TRIM2: variants seen among roughly 807,000 people sequenced by gnomAD.
TRIM2 encodes tripartite motif-containing protein 2.
Under a neutral mutation model 75.2 loss-of-function variants are expected in TRIM2, and 20 were observed. The ratio of observed to expected loss-of-function variants is 0.27; its 90% CI spans 0.19 to 0.39. The LOEUF (loss-of-function observed/expected upper bound fraction) is 0.39. Among genes scored for constraint, TRIM2 ranks in the 10% least tolerant of loss-of-function variants. The pLI is 1.00. For synonymous variants in TRIM2, 373 were observed against 388.3 expected (o/e 0.96, Z 0.46); for missense variants, 660 against 990.8 (o/e 0.67, Z 4.48).
At chr4:153,267,640 G>C (rs973093812) in intron 1 of TRIM2, among the ~76,000 whole-genome samples, 1 of 152,164 alleles carries the variant, frequency 6.6e-6, no homozygotes, top group African/African-American at 2.4e-5. Context: ...GACAAAGCGA[G>C]ACTCCATCTC....
In TRIM2 at chr4:153,296,919, T is replaced by C. The variant is rs146480383; in HGVS notation, c.1510+883T>C. 2.0e-3 allele frequency among the ~76,000 whole-genome samples: 308 copies of C among 152,322 alleles called. 1 individual carries two copies. The highest frequency in any genetic ancestry group is 7.1e-3 in the African/African-American group (296 of 41,580). On this transcript the variant is annotated intron_variant, in intron 6 of 11. Transcript: ENST00000338700. Reference sequence around the variant, plus strand: ...GCTGCACTGTATATTAGCTGGCACATGTAGAAAAACAATTCTATGGTTCAG... The same window carrying C: ...GCTGCACTGTATATTAGCTGGCACACGTAGAAAAACAATTCTATGGTTCAG...
Position 153,311,894 on chromosome 4 carries a change from TTTTATTTA to T in TRIM2, c.1511-3568_1511-3561del, listed in dbSNP as rs112254741. 1.8e-4 allele frequency among the ~76,000 whole-genome samples: 26 copies of T among 144,332 alleles called. 1 individual carries two copies. The highest frequency in any genetic ancestry group is 5.9e-4 in the East Asian group (3 of 5,052). The allele number at this position is 144,332 out of a possible 152,430, so 94.7% of individuals were successfully genotyped here. A position where few individuals can be genotyped will look rare whatever the true frequency, so the allele number is the denominator to read the frequency against. ...TTTTTGATAAATGAAGTTTTTATTC[TTTTATTTA>T]TTTATTTATTTATTTATTTATTATT... On this transcript the variant is annotated intron_variant, in intron 6 of 11. Coordinates refer to ENST00000338700, the MANE Select transcript of TRIM2 (RefSeq NM_015271.5).
intron 6 of TRIM2, among the ~76,000 whole-genome samples, chr4:153,312,556 A>C (rs1253605698): frequency 6.6e-6 from 1 of 152,104 alleles, no homozygotes; most frequent in African/African-American, 2.4e-5. Flanking sequence ...GTCAGGAAAC[A>C]ACAGGTGCTG....
chr4:153,294,283 A>G, intron 4 of TRIM2, 22 bp from the exon 5 acceptor site: 1 of 1,608,914 alleles, frequency 6.2e-7, no homozygotes, highest in Non-Finnish European at 8.5e-7. Flanking sequence ...TTAAATAACG[A>G]CCTTTAACAA....
Position 153,338,300 on chromosome 4 carries a change from G to A in TRIM2, c.*3334G>A, listed in dbSNP as rs1772689878. On this transcript the variant is annotated 3_prime_UTR_variant, in exon 12 of 12. Transcript: ENST00000338700. ...GTAAATAAACATTAGGTAATCTGCA[G>A]ATTACTTCAAATGGGAAAAATCTTT... 1.0e-6 allele frequency: 1 copy of A among 985,816 alleles called. No homozygotes were observed. Among genetic ancestry groups the A allele is most frequent in the Non-Finnish European group, 1.2e-6 (1 of 829,904 alleles). The allele number at this position is 985,816 out of a possible 1,614,324, so 61.1% of individuals were successfully genotyped here.
chr4:153,235,876 C>T (rs534862284), intron 1 of TRIM2, among the ~76,000 whole-genome samples: 54 of 152,244 alleles, frequency 3.5e-4, no homozygotes, highest in African/African-American at 1.3e-3. Context: ...TGCCAACATC[C>T]TGTGCTCACC....
intron 1 of TRIM2, among the ~76,000 whole-genome samples, chr4:153,263,094 G>A (rs1261444428): frequency 6.6e-6 from 1 of 152,186 alleles, no homozygotes; most frequent in Non-Finnish European, 1.5e-5. Context: ...AGTTTGGGAG[G>A]CTGAAGCGAG....
intron 3 of TRIM2, 81 bp from the exon 4 acceptor site, chr4:153,292,901 G>T: frequency 7.7e-7 from 1 of 1,297,942 alleles, no homozygotes; most frequent in East Asian, 2.7e-5. Context: ...AATTATGAGA[G>T]ACTGCAAGGC....
chr4:153,192,710 A>T (rs28408369), intron 1 of TRIM2, among the ~76,000 whole-genome samples: 2 of 151,768 alleles, frequency 1.3e-5, no homozygotes, highest in Non-Finnish European at 2.9e-5. Flanking sequence ...CAGCAGATCC[A>T]AAACAGCCAC....
At position 153,328,674 on chromosome 4, in the gene TRIM2, G is replaced by C; in HGVS notation, c.2163+4G>C. ...CTGGGGAAACAGCAGGATCCAGGTA[G>C]ATCAATGTGCTAATGTATATGGTTA... On this transcript the variant is annotated splice_donor_region_variant and intron_variant, in intron 11 of 11. Transcript: ENST00000338700. The C allele has an allele frequency of 1.9e-6, 3 of 1,605,976 alleles. No homozygotes were observed. The highest frequency in any genetic ancestry group is 2.5e-6 in the Non-Finnish European group (3 of 1,177,190).
At position 153,237,087 on chromosome 4, in the gene TRIM2, A is replaced by G. The variant is rs77609398; in HGVS notation, c.30+32527A>G. Among the ~76,000 whole-genome samples, 753 of 152,280 alleles carry G rather than the reference A, an allele frequency of 4.9e-3. 14 individuals are homozygous for G. The East Asian group carries it at 0.081, about 16-fold the overall frequency. On this transcript the variant is annotated intron_variant, in intron 1 of 11. Coordinates refer to ENST00000338700, the MANE Select transcript of TRIM2 (RefSeq NM_015271.5). Reference sequence around the variant, plus strand: ...CATAAGTGTTTGAGGAAACAAATAGAATTGAAAATCAGCTAGATTTGGTTG... The same window carrying G: ...CATAAGTGTTTGAGGAAACAAATAGGATTGAAAATCAGCTAGATTTGGTTG...
chr4:153,175,159 G>C (rs1199417665), intron 1 of TRIM2, among the ~76,000 whole-genome samples: 2 of 152,148 alleles, frequency 1.3e-5, no homozygotes, highest in East Asian at 3.8e-4. Flanking sequence ...TGGAATTACA[G>C]GCGTCTGCCA....
rs1749927480 is a variant in TRIM2, at chr4:153,248,543, G to T, written c.31-21792G>T. Among the ~76,000 whole-genome samples, 1 of 152,176 alleles carries T rather than the reference G, an allele frequency of 6.6e-6. No individual in the cohort carries two copies. The highest frequency in any genetic ancestry group is 1.5e-5 in the Non-Finnish European group (1 of 68,038). On this transcript the variant is annotated intron_variant, in intron 1 of 11. Coordinates refer to ENST00000338700, the MANE Select transcript of TRIM2 (RefSeq NM_015271.5). This position sits in a 1 kb window ranked among gnomAD's most constrained non-coding sequence, Gnocchi z 4.0. Reference sequence around the variant, plus strand: ...GTGTGTTAGGCATGGGGCTGACAGTGACACACTGGATCATTTAATCATCAC... The same window carrying T: ...GTGTGTTAGGCATGGGGCTGACAGTTACACACTGGATCATTTAATCATCAC...
chr4:153,223,843 G>A (rs1030475947), intron 1 of TRIM2, among the ~76,000 whole-genome samples: 1 of 152,192 alleles, frequency 6.6e-6, no homozygotes, highest in Non-Finnish European at 1.5e-5. Flanking sequence ...TAATTTTAGA[G>A]CACTTAGAAT....
intron 1 of TRIM2, among the ~76,000 whole-genome samples, chr4:153,234,842 T>C (rs1030793413): frequency 6.6e-6 from 1 of 152,198 alleles, no homozygotes; most frequent in African/African-American, 2.4e-5. Flanking sequence ...ATTTGACATC[T>C]CCAGGCAGTT....
chr4:153,161,765 T>C (rs1450549582), intron 1 of TRIM2, among the ~76,000 whole-genome samples: 1 of 152,210 alleles, frequency 6.6e-6, no homozygotes, highest in African/African-American at 2.4e-5. Context: ...TATTCCAAGG[T>C]GGTCAATTAT....
At chr4:153,270,624 T>A in intron 2 of TRIM2, 105 bp downstream of exon 2, 1 of 991,080 alleles carries the variant, frequency 1.0e-6, no homozygotes, top group Non-Finnish European at 1.4e-6. Context: ...GAGAGAAAAC[T>A]AATCTCTTGT....
chr4:153,156,749 T>C (rs1729268064), intron 1 of TRIM2: 1 of 152,256 alleles, frequency 6.6e-6, no homozygotes, highest in South Asian at 2.1e-4. Flanking sequence ...GAGTATAGTA[T>C]GTCTCCATCA....
At chr4:153,241,899 G>A (rs1401900889) in intron 1 of TRIM2, among the ~76,000 whole-genome samples, 1 of 152,198 alleles carries the variant, frequency 6.6e-6, no homozygotes, top group Non-Finnish European at 1.5e-5. Flanking sequence ...CAGAAAAATA[G>A]AAATGAAACC....
Sources: gnomAD v4.1 joint callset for allele counts (sites outside exome capture counted in the v4.1 genomes callset) on GRCh38, gnomAD v4.1.1 for gene constraint, Gnocchi (gnomAD v3.1) non-coding constraint, MANE v1.5 for transcripts, NCBI Gene and HGNC (gene_info 2026-07-23, HGNC 2026-07-21) for gene names.